The following MCC variants were observed in gnomAD, a reference collection of about 807,000 sequenced individuals.
The protein encoded by MCC is MCC regulator of Wnt signaling pathway.
Under a neutral mutation model 116.2 loss-of-function variants are expected in MCC, and 90 were observed. That is an observed-to-expected ratio of 0.77 (90% CI 0.65 to 0.92). MCC has a LOEUF of 0.92. Among genes scored for constraint, MCC ranks in the 40% least tolerant of loss-of-function variants. The pLI, the probability that MCC is intolerant of heterozygous loss-of-function variation, is 0.00. For missense variants in MCC, 1,516 were observed against 1,312.2 expected, an observed-to-expected ratio of 1.16 and a Z score of -2.40; for synonymous variants, 578 against 510.5, an observed-to-expected ratio of 1.13 and a Z score of -1.78.
intron 3 of MCC, among the ~76,000 whole-genome samples, chr5:113,155,309 G>GT (rs1438253639): frequency 6.6e-6 from 1 of 152,132 alleles, no homozygotes; most frequent in African/African-American, 2.4e-5. Flanking sequence ...GGTCGATTCC[G>GT]TATCTTGGCT....
intron 1 of MCC, among the ~76,000 whole-genome samples, chr5:113,394,346 T>G (rs1322898908): frequency 6.6e-6 from 1 of 152,186 alleles, no homozygotes; most frequent in Non-Finnish European, 1.5e-5. Flanking sequence ...TTGGTCTCAC[T>G]CTTTCCAACA....
rs1406740126 is a variant in MCC at position 113,025,580 on chromosome 5, A to T, written c.*1722T>A. 7.2e-6 allele frequency: 1 copy of T among 137,952 alleles called. No individual in the cohort carries two copies. Among genetic ancestry groups the T allele is most frequent in the Non-Finnish European group, 1.6e-5 (1 of 63,868 alleles). 8.5% of individuals were successfully genotyped at this position (137,952 alleles called of 1,614,324 possible). A position where few individuals can be genotyped will look rare whatever the true frequency, so the allele number is the denominator to read the frequency against. ...ACTGCACTTCAGCCTGGTGACGAGC[A>T]AAACTCCATCTCAAAAAAAAAAAAA... is the stretch of plus-strand genomic sequence containing the variant. On this transcript the variant is annotated 3_prime_UTR_variant, in exon 19 of 19. Coordinates refer to ENST00000408903, the MANE Select transcript of MCC (RefSeq NM_001085377.2).
chr5:113,038,774 G>A (rs1366293546), intron 17 of MCC, among the ~76,000 whole-genome samples: 2 of 152,158 alleles, frequency 1.3e-5, no homozygotes, highest in African/African-American at 4.8e-5. Flanking sequence ...TCTTCCAGCA[G>A]TGGCAGCTTG....
intron 8 of MCC, among the ~76,000 whole-genome samples, chr5:113,094,477 G>T (rs1274105596): frequency 3.3e-5 from 5 of 149,550 alleles, no homozygotes; most frequent in African/African-American, 5.0e-5. Context: ...CTGGTGTGCA[G>T]TGGCGCGATC....
At chr5:113,309,321 A>T (rs1767079443) in intron 3 of MCC, among the ~76,000 whole-genome samples, 1 of 151,922 alleles carries the variant, frequency 6.6e-6, no homozygotes, top group Non-Finnish European at 1.5e-5. Context: ...CCAATAGGTA[A>T]TTTTTTACCC....
intron 3 of MCC, among the ~76,000 whole-genome samples, chr5:113,156,285 T>C (rs937022308): frequency 6.6e-6 from 1 of 152,258 alleles, no homozygotes; most frequent in African/African-American, 2.4e-5. Flanking sequence ...ATCTTATCTA[T>C]GCCACTTGTT....
chr5:113,307,827 A>C (rs945327685), intron 3 of MCC, among the ~76,000 whole-genome samples: 1 of 152,180 alleles, frequency 6.6e-6, no homozygotes, highest in Non-Finnish European at 1.5e-5. Flanking sequence ...TTTATCCCTG[A>C]CCACTTGAAT....
chr5:113,324,931 T>C (rs775448554), intron 3 of MCC, among the ~76,000 whole-genome samples: 6 of 151,298 alleles, frequency 4.0e-5, no homozygotes, highest in Non-Finnish European at 1.5e-5. Context: ...CTCTTGGGCT[T>C]AAGGGATCCT....
At chr5:113,471,741 T>C (rs1462800414) in intron 1 of MCC, among the ~76,000 whole-genome samples, 1 of 70,068 alleles carries the variant, frequency 1.4e-5, no homozygotes, top group Non-Finnish European at 3.0e-5. Flanking sequence ...TGCTGTCTTT[T>C]TGTTTGTCTG....
At chr5:113,164,792 A>G (rs977118922) in intron 3 of MCC, among the ~76,000 whole-genome samples, 1 of 152,208 alleles carries the variant, frequency 6.6e-6, no homozygotes, top group Non-Finnish European at 1.5e-5. Flanking sequence ...TGAGGACTCA[A>G]GACTGCAGAC....
At chr5:113,138,660 T>G (rs1183823031) in intron 5 of MCC, among the ~76,000 whole-genome samples, 1 of 152,234 alleles carries the variant, frequency 6.6e-6, no homozygotes, top group East Asian at 1.9e-4. Flanking sequence ...CAGCCCAAGC[T>G]GACTGATATG....
intron 2 of MCC, among the ~76,000 whole-genome samples, chr5:113,361,969 C>A (rs1374645077): frequency 2.0e-5 from 3 of 152,144 alleles, no homozygotes; most frequent in Non-Finnish European, 4.4e-5. Flanking sequence ...TGAGCCACAC[C>A]AGCAGTCTTC....
Position 113,056,516 on chromosome 5 carries a change from T to A in MCC, c.2214-2557A>T, listed in dbSNP as rs566327964. ...CATGTTCTTACTTATAAGTTGGAGC[T>A]AAATGATGAGAACACATGAACACAA... On this transcript the variant is annotated intron_variant, in intron 14 of 18. Transcript: ENST00000408903. Among the ~76,000 whole-genome samples, 96 of 152,342 alleles carry A rather than the reference T, an allele frequency of 6.3e-4. 1 individual carries two copies. The highest frequency in any genetic ancestry group is 1.1e-3 in the Non-Finnish European group (75 of 68,032).
rs1361768903 is a variant in MCC, at chr5:113,265,376, A to G, written c.627+75143T>C. On this transcript the variant is annotated intron_variant, in intron 3 of 18. Transcript: ENST00000408903. ...TAGTTCAAAGCAAGGCTATGACGTCACAGAATGAACCCCAACCTCAATGTC... is the reference window on the plus strand; with the variant it reads ...TAGTTCAAAGCAAGGCTATGACGTCGCAGAATGAACCCCAACCTCAATGTC... Among the ~76,000 whole-genome samples, 3 of 152,176 alleles carry G rather than the reference A, an allele frequency of 2.0e-5. No individual in the cohort carries two copies. The South Asian group carries it at 6.2e-4, about 32-fold the overall frequency.
chr5:113,481,671 G>A (rs348926), intron 1 of MCC, among the ~76,000 whole-genome samples: 104,680 of 151,976 alleles, frequency 0.69, 36,474 homozygotes, highest in East Asian at 0.88. Flanking sequence ...CCCGGGAGGC[G>A]GAGATTGCAG....
At chr5:113,433,470 GCT>G (rs1230977044) in intron 1 of MCC, 1 of 613,190 alleles carries the variant, frequency 1.6e-6, no homozygotes, top group African/African-American at 1.8e-5. Flanking sequence ...GCTGAGACAG[GCT>G]CTGTGTCCAG....
At chr5:113,432,010 C>A (rs1430173483) in intron 1 of MCC, among the ~76,000 whole-genome samples, 1 of 152,188 alleles carries the variant, frequency 6.6e-6, no homozygotes, top group African/African-American at 2.4e-5. Context: ...GTGGCACACG[C>A]CTGTAGTCCC....
intron 3 of MCC, among the ~76,000 whole-genome samples, chr5:113,201,400 A>AC (rs1238686434): frequency 6.6e-6 from 1 of 151,512 alleles, no homozygotes; most frequent in Admixed American, 6.6e-5. Context: ...AAAAAAAAAA[A>AC]AAAAACAAAG....
intron 9 of MCC, among the ~76,000 whole-genome samples, chr5:113,084,760 T>C (rs945263744): frequency 4.6e-5 from 7 of 152,210 alleles, no homozygotes; most frequent in Non-Finnish European, 8.8e-5. Flanking sequence ...TTTTTCTTTT[T>C]TTGTGGCAGA....
Sources: allele counts gnomAD v4.1 joint callset (sites outside exome capture counted in the v4.1 genomes callset), GRCh38; gene constraint gnomAD v4.1.1; transcripts MANE v1.5; gene names NCBI Gene and HGNC (gene_info 2026-07-23, HGNC 2026-07-21).